The following EPHA5 variants were observed in gnomAD, a reference collection of about 807,000 sequenced individuals.
The protein encoded by EPHA5 is ephrin type-A receptor 5.
In EPHA5, 60 loss-of-function variants were observed where a neutral mutation model predicts 105.0. The ratio of observed to expected loss-of-function variants is 0.57; its 90% confidence interval spans 0.46 to 0.71. The LOEUF is 0.71. Ranked by LOEUF, EPHA5 falls within the 30% of genes least tolerant of loss-of-function variation. The pLI, the probability that EPHA5 is intolerant of heterozygous loss-of-function variation, is 0.00. For synonymous variants in EPHA5, 513 were observed against 449.1 expected (o/e 1.14, Z -1.80); for missense variants, 1,218 against 1,274.7 (o/e 0.96, Z 0.68).
At chr4:65,620,349 A>T (rs1372468191) in intron 2 of EPHA5, among the ~76,000 whole-genome samples, 1 of 152,012 alleles carries the variant, frequency 6.6e-6, no homozygotes. Flanking sequence ...CTTGCGATGC[A>T]CACTGTTTCT....
chr4:65,348,267 C>T (rs1205014314), intron 13 of EPHA5, 64 bp from the exon 14 acceptor site: 2 of 1,447,976 alleles, frequency 1.4e-6, no homozygotes, highest in Non-Finnish European at 1.9e-6. Context: ...GACAGTGTTG[C>T]CTCACTGAAA....
At chr4:65,518,836 CA>C (rs1238206017) in intron 3 of EPHA5, among the ~76,000 whole-genome samples, 4 of 151,880 alleles carry the variant, frequency 2.6e-5, no homozygotes, top group African/African-American at 9.7e-5. Context: ...GCCTACCAAC[CA>C]AAAAAAGTCT....
At chr4:65,408,195 T>C (rs1722556133) in intron 7 of EPHA5, among the ~76,000 whole-genome samples, 1 of 152,124 alleles carries the variant, frequency 6.6e-6, no homozygotes, top group Non-Finnish European at 1.5e-5. Context: ...CAGGGTACTG[T>C]CAATGCCTTC....
intron 3 of EPHA5, among the ~76,000 whole-genome samples, chr4:65,515,129 C>G (rs1733981447): frequency 6.6e-6 from 1 of 152,100 alleles, no homozygotes; most frequent in African/African-American, 2.4e-5. Flanking sequence ...ATTTCTCCTG[C>G]CAACTTTACA....
intron 8 of EPHA5, among the ~76,000 whole-genome samples, chr4:65,369,023 T>C (rs67263731): frequency 0.13 from 19,971 of 152,156 alleles, 1,522 homozygotes; most frequent in East Asian, 0.28. Flanking sequence ...ATTTCTAGTC[T>C]ATGCTGCAGC....
At chr4:65,396,324 T>C (rs1578009351) in intron 8 of EPHA5, among the ~76,000 whole-genome samples, 1 of 152,192 alleles carries the variant, frequency 6.6e-6, no homozygotes, top group African/African-American at 2.4e-5. Flanking sequence ...TATTGTAAAG[T>C]ATTCAGATGA....
intron 2 of EPHA5, among the ~76,000 whole-genome samples, chr4:65,625,608 T>G (rs1414392784): frequency 6.6e-6 from 1 of 152,168 alleles, no homozygotes; most frequent in South Asian, 2.1e-4. Flanking sequence ...CTACTTGACC[T>G]AATTTGCAAA....
intron 1 of EPHA5, among the ~76,000 whole-genome samples, chr4:65,654,888 A>T (rs1748923406): frequency 2.0e-5 from 3 of 147,192 alleles, no homozygotes; most frequent in South Asian, 4.2e-4. Flanking sequence ...ATATATATTA[A>T]ATATATATAA....
At chr4:65,488,607 G>T (rs1008910938) in intron 5 of EPHA5, among the ~76,000 whole-genome samples, 4 of 152,102 alleles carry the variant, frequency 2.6e-5, no homozygotes, top group Non-Finnish European at 5.9e-5. Flanking sequence ...TTCCTGTCCA[G>T]CTCTTTAGCA....
At chr4:65,368,067 A>G (rs1452153622) in intron 8 of EPHA5, among the ~76,000 whole-genome samples, 2 of 152,058 alleles carry the variant, frequency 1.3e-5, no homozygotes, top group East Asian at 3.9e-4. Flanking sequence ...TGTCCTCCTA[A>G]GATTCACAAA....
At position 65,320,573 on chromosome 4, in the gene EPHA5, A is replaced by C. The variant is rs1289157886; in HGVS notation, c.*3541T>G. 2 of 229,602 alleles carry C rather than the reference A, an allele frequency of 8.7e-6. No individual in the cohort carries two copies. Among genetic ancestry groups the C allele is most frequent in the Non-Finnish European group, 1.7e-5 (2 of 115,764 alleles). The allele number at this position is 229,602 out of a possible 1,614,324, so 14.2% of individuals were successfully genotyped here. ...CCATCCAATGCACTTTTATAGCCAA[A>C]AATGTCTTCAGAAGGTAAATATCTG... On this transcript the variant is annotated 3_prime_UTR_variant, in exon 17 of 17. Transcript: ENST00000613740.
At chr4:65,413,240 G>T (rs541848949) in intron 7 of EPHA5, among the ~76,000 whole-genome samples, 1 of 151,890 alleles carries the variant, frequency 6.6e-6, no homozygotes, top group South Asian at 2.1e-4. Context: ...CTTCACTCAT[G>T]GATTTTCCTT....
intron 2 of EPHA5, among the ~76,000 whole-genome samples, chr4:65,609,747 G>A (rs1372991548): frequency 6.6e-6 from 1 of 151,194 alleles, no homozygotes; most frequent in Non-Finnish European, 1.5e-5. Flanking sequence ...GCAATAAATG[G>A]AAGGATGGAA....
At chr4:65,589,375 G>C (rs1046383513) in intron 3 of EPHA5, among the ~76,000 whole-genome samples, 4 of 151,828 alleles carry the variant, frequency 2.6e-5, no homozygotes, top group African/African-American at 9.7e-5. Context: ...AGTCTGTGTG[G>C]GCCTTGAGGA....
chr4:65,463,504 G>GTTTAAAACAGTA (rs1728316291), intron 5 of EPHA5, among the ~76,000 whole-genome samples: 1 of 152,070 alleles, frequency 6.6e-6, no homozygotes, highest in Non-Finnish European at 1.5e-5. Context: ...CTTTAAATCA[G>GTTTAAAACAGTA]CATTGTACTG....
At chr4:65,456,789 C>T (rs1024981275) in intron 5 of EPHA5, among the ~76,000 whole-genome samples, 11 of 151,912 alleles carry the variant, frequency 7.2e-5, no homozygotes, top group Non-Finnish European at 4.4e-5. Flanking sequence ...TATCCACTTT[C>T]CCAGAGGTGA....
At chr4:65,483,563 G>A (rs923654085) in intron 5 of EPHA5, among the ~76,000 whole-genome samples, 7 of 152,066 alleles carry the variant, frequency 4.6e-5, no homozygotes, top group Admixed American at 3.9e-4. Flanking sequence ...GGGTGTAAAT[G>A]CCCAGACCTT....
At chr4:65,578,213 C>G (rs1286894019) in intron 3 of EPHA5, among the ~76,000 whole-genome samples, 2 of 152,086 alleles carry the variant, frequency 1.3e-5, no homozygotes, top group Admixed American at 6.6e-5. Flanking sequence ...TGTACTCCAC[C>G]CCCATCCCTA....
intron 1 of EPHA5, among the ~76,000 whole-genome samples, chr4:65,668,940 A>G (rs1454013209): frequency 6.6e-6 from 1 of 151,760 alleles, no homozygotes; most frequent in Non-Finnish European, 1.5e-5. Flanking sequence ...AGGGCACCCA[A>G]CTGTGTGGGG....
Sources: allele counts gnomAD v4.1 joint callset (sites outside exome capture counted in the v4.1 genomes callset), GRCh38; gene constraint gnomAD v4.1.1; transcripts MANE v1.5; gene names NCBI Gene and HGNC (gene_info 2026-07-23, HGNC 2026-07-21).